CCDC12: variants seen among roughly 807,000 people sequenced by gnomAD.
CCDC12 encodes coiled-coil domain containing 12, also known as coiled-coil domain-containing protein 12.
Under a neutral mutation model 25.7 loss-of-function variants are expected in CCDC12, and 28 were observed. The ratio of observed to expected loss-of-function variants is 1.09; its 90% CI spans 0.81 to 1.50. The LOEUF (loss-of-function observed/expected upper bound fraction) is 1.50, where lower values mean the gene tolerates loss of function less well. Ranked by LOEUF, CCDC12 falls within the 40% of genes most tolerant of loss-of-function variation. CCDC12 has a pLI of 0.00. For missense variants in CCDC12, 198 were observed against 210.0 expected (o/e 0.94, Z 0.35); for synonymous variants, 75 against 87.7 (o/e 0.86, Z 0.81).
upstream of CCDC12, chr3:46,979,476 C>G (rs1173395536): frequency 6.2e-6 from 1 of 161,804 alleles, no homozygotes; most frequent in Non-Finnish European, 1.3e-5. Context: ...TTCCTCACCC[C>G]GACCCTCGTC....
chr3:46,935,606 T>C (rs1249885959), intron 2 of CCDC12, among the ~76,000 whole-genome samples: 2 of 151,998 alleles, frequency 1.3e-5, no homozygotes, highest in East Asian at 3.9e-4. Context: ...ATCTGGGCAG[T>C]ACACAGGGGG....
intron 1 of CCDC12, among the ~76,000 whole-genome samples, chr3:46,953,328 A>G (rs2124509): frequency 0.95 from 144,570 of 152,102 alleles, 69,161 homozygotes; most frequent in East Asian, 1. Flanking sequence ...ACAAACACAC[A>G]AACGCCAGGG....
upstream of CCDC12, chr3:46,979,438 C>T (rs1169521923): frequency 2.6e-5 from 4 of 154,958 alleles, no homozygotes; most frequent in Admixed American, 2.0e-4. Flanking sequence ...GCGTCCTGGG[C>T]GGATTCAGAC....
chr3:46,940,679 C>A (rs1278791925), intron 2 of CCDC12: 2 of 330,032 alleles, frequency 6.1e-6, no homozygotes, highest in Non-Finnish European at 1.1e-5. Flanking sequence ...GCAGAAGGGG[C>A]ACTTACTCAG....
At chr3:46,972,432 A>G (rs1327962139) in intron 1 of CCDC12, among the ~76,000 whole-genome samples, 3 of 152,262 alleles carry the variant, frequency 2.0e-5, no homozygotes, top group African/African-American at 4.8e-5. Context: ...GAACAATTCA[A>G]TGACAACTCA....
At chr3:46,942,619 CG>C (rs1289185675) in intron 1 of CCDC12, among the ~76,000 whole-genome samples, 2 of 152,188 alleles carry the variant, frequency 1.3e-5, no homozygotes, top group African/African-American at 4.8e-5. Flanking sequence ...ACACAACCTC[CG>C]GGGAGCAGAC....
At chr3:46,958,160 G>T (rs1369049514) in intron 1 of CCDC12, among the ~76,000 whole-genome samples, 2 of 151,958 alleles carry the variant, frequency 1.3e-5, no homozygotes, top group Non-Finnish European at 2.9e-5. Flanking sequence ...TTTTATTGGC[G>T]GTCTGAAGAA....
At chr3:46,962,964 G>A (rs1459228094) in intron 1 of CCDC12, among the ~76,000 whole-genome samples, 4 of 152,100 alleles carry the variant, frequency 2.6e-5, no homozygotes, top group Admixed American at 6.5e-5. Flanking sequence ...AGAGGAGAAT[G>A]GATAAAATCT....
At chr3:46,928,323 T>C (rs993244204) in intron 2 of CCDC12, among the ~76,000 whole-genome samples, 6 of 152,202 alleles carry the variant, frequency 3.9e-5, no homozygotes, top group African/African-American at 1.4e-4. Context: ...GCTGCAATCA[T>C]GGAGATAAGG....
At chr3:46,973,353 CAA>C (rs71098438) in intron 1 of CCDC12, among the ~76,000 whole-genome samples, 3 of 103,912 alleles carry the variant, frequency 2.9e-5, no homozygotes, top group African/African-American at 4.0e-5. Context: ...AGCTCCATCT[CAA>C]AAAAAAAAAA....
At chr3:46,979,548 C>G (rs370278289), upstream of CCDC12, 353 of 212,380 alleles carry the variant, frequency 1.7e-3, 3 homozygotes, top group African/African-American at 7.6e-3. Flanking sequence ...GGCACCCTCC[C>G]GGGCCGCCCG....
chr3:46,942,940 A>G (rs1035093422), intron 1 of CCDC12, among the ~76,000 whole-genome samples: 27 of 152,134 alleles, frequency 1.8e-4, no homozygotes, highest in Non-Finnish European at 2.6e-4. Flanking sequence ...TGTGGTCTGA[A>G]GAGCATGCAG....
rs75407985 is a variant in CCDC12, at chr3:46,934,810, G to C, written c.164+6188C>G. On this transcript the variant is annotated intron_variant, in intron 2 of 6. Transcript: ENST00000683445. ...GGAGATCTCCACTGCCCATGACTGG[G>C]ACATCACCAGATGTAGACATCCTCT... is the stretch of plus-strand genomic sequence containing the variant. Among the ~76,000 whole-genome samples the C allele has an allele frequency of 5.8e-3, 888 of 152,368 alleles. 11 individuals carry two copies. The highest frequency in any genetic ancestry group is 0.021 in the African/African-American group (860 of 41,584).
chr3:46,957,715 G>T (rs1453894392), intron 1 of CCDC12, among the ~76,000 whole-genome samples: 1 of 152,102 alleles, frequency 6.6e-6, no homozygotes. Flanking sequence ...GCCAAGGTGG[G>T]TGGATCACCT....
intron 1 of CCDC12, among the ~76,000 whole-genome samples, chr3:46,964,239 G>T (rs2034565616): frequency 6.6e-6 from 1 of 152,070 alleles, no homozygotes; most frequent in Non-Finnish European, 1.5e-5. Context: ...CGTCTGAGAA[G>T]TGAGGAGCCC....
At chr3:46,929,641 G>A (rs1421469853) in intron 2 of CCDC12, among the ~76,000 whole-genome samples, 1 of 152,162 alleles carries the variant, frequency 6.6e-6, no homozygotes, top group African/African-American at 2.4e-5. Flanking sequence ...AGTTGCTAAG[G>A]GGAGAAGGTA....
intron 1 of CCDC12, among the ~76,000 whole-genome samples, chr3:46,944,107 G>A (rs1312305522): frequency 2.6e-5 from 4 of 152,200 alleles, no homozygotes; most frequent in Non-Finnish European, 2.9e-5. Context: ...AAGAGCCTCA[G>A]ACCTGGAGGG....
upstream of CCDC12, among the ~76,000 whole-genome samples, chr3:46,981,433 T>G (rs2035329006): frequency 6.6e-6 from 1 of 151,680 alleles, no homozygotes; most frequent in South Asian, 2.1e-4. Context: ...AGAGTGAGAC[T>G]CCGTCTCAAA....
At chr3:46,975,467 T>C (rs1247172172) in intron 1 of CCDC12, among the ~76,000 whole-genome samples, 3 of 151,588 alleles carry the variant, frequency 2.0e-5, no homozygotes, top group African/African-American at 7.3e-5. Flanking sequence ...CACCAGCCAT[T>C]GTGCCCGGCC....
Sources: gnomAD v4.1 joint callset for allele counts (sites outside exome capture counted in the v4.1 genomes callset) on GRCh38, gnomAD v4.1.1 for gene constraint, MANE v1.5 for transcripts, NCBI Gene and HGNC (gene_info 2026-07-23, HGNC 2026-07-21) for gene names.